MDM4: variants seen among roughly 807,000 people sequenced by gnomAD.
MDM4 encodes the protein protein Mdm4.
A neutral mutation model predicts 60.2 loss-of-function variants in MDM4; 2 were observed. The ratio of observed to expected loss-of-function variants is 0.03; its 90% confidence interval spans 0.01 to 0.10. MDM4 has a LOEUF of 0.10. Ranked by LOEUF, MDM4 falls within the 10% of genes least tolerant of loss-of-function variation. MDM4 has a pLI of 1.00. For missense variants in MDM4, 447 were observed against 577.5 expected (o/e 0.77, Z 2.32); for synonymous variants, 202 against 198.1 (o/e 1.02, Z -0.17).
At chr1:204,532,046 C>A in intron 4 of MDM4, 145 bp from the exon 5 acceptor site, 1 of 541,170 alleles carries the variant, frequency 1.8e-6, no homozygotes, top group Non-Finnish European at 3.2e-6. Flanking sequence ...AAAAACTGTT[C>A]TGGGAAAAAG....
At chr1:204,530,583 A>G (rs1348340537) in intron 3 of MDM4, 101 bp from the exon 4 acceptor site, 9 of 1,472,654 alleles carry the variant, frequency 6.1e-6, no homozygotes, top group Non-Finnish European at 7.5e-6. Context: ...TAAATATGTT[A>G]TTTCTTTCTT....
chr1:204,547,677 G>A (rs1315531098), intron 10 of MDM4, among the ~76,000 whole-genome samples: 1 of 152,148 alleles, frequency 6.6e-6, no homozygotes, highest in Non-Finnish European at 1.5e-5. Flanking sequence ...AAAATATATT[G>A]GTCCAGTAAG....
At chr1:204,530,885 AT>A in intron 4 of MDM4, 68 bp downstream of exon 4, 2 of 1,583,194 alleles carry the variant, frequency 1.3e-6, no homozygotes, top group Non-Finnish European at 1.7e-6. Context: ...TCTATGGGTT[AT>A]TAATATTTAT....
chr1:204,539,529 G>GTTTTT (rs1261336032), intron 7 of MDM4, among the ~76,000 whole-genome samples: 3 of 139,566 alleles, frequency 2.1e-5, no homozygotes, highest in Non-Finnish European at 3.1e-5. Flanking sequence ...TTTTTTTTTT[G>GTTTTT]TTTTGTTTTG....
At chr1:204,530,534 C>A in intron 3 of MDM4, 150 bp from the exon 4 acceptor site, 1 of 904,460 alleles carries the variant, frequency 1.1e-6, no homozygotes, top group Non-Finnish European at 1.7e-6. Flanking sequence ...GAGCGGCTTT[C>A]CTGTTGTAGG....
chr1:204,529,845 C>G (rs1247654325), intron 3 of MDM4, among the ~76,000 whole-genome samples: 1 of 152,176 alleles, frequency 6.6e-6, no homozygotes, highest in Non-Finnish European at 1.5e-5. Context: ...AACCTTGACT[C>G]TATCTATTGC....
At chr1:204,545,808 T>C (rs906645132) in intron 9 of MDM4, among the ~76,000 whole-genome samples, 3 of 152,190 alleles carry the variant, frequency 2.0e-5, no homozygotes, top group African/African-American at 7.2e-5. Context: ...GTCACAGGCA[T>C]GTGCAGCCAT....
rs540551252 is a variant in MDM4 at position 204,554,212 on chromosome 1, C to T, written c.*4530C>T. On this transcript the variant is annotated 3_prime_UTR_variant, in exon 11 of 11. Transcript: ENST00000367182. ...AGCTATGTAATGTTACCTCTTGACT[C>T]GCTTTTGAAAGGAAGACAATTGTTA... 4.4e-5 allele frequency: 10 copies of T among 226,328 alleles called. No homozygotes were observed. The highest frequency in any genetic ancestry group is 1.8e-4 in the South Asian group (1 of 5,468). 14.0% of individuals were successfully genotyped at this position (226,328 alleles called of 1,614,324 possible).
chr1:204,525,225 G>T (rs997742605), intron 1 of MDM4: 8 of 465,716 alleles, frequency 1.7e-5, no homozygotes, highest in Non-Finnish European at 2.3e-5. Context: ...TCAGTTGGAG[G>T]TTGGAGCGTG....
At chr1:204,529,376 A>G (rs1332159545) in intron 3 of MDM4, 4 of 979,546 alleles carry the variant, frequency 4.1e-6, no homozygotes, top group African/African-American at 3.2e-5. Context: ...CACCCTGTCC[A>G]TGAGGCCTGG....
intron 1 of MDM4, among the ~76,000 whole-genome samples, chr1:204,517,241 C>CA (rs1219951720): frequency 0.012 from 1,230 of 105,202 alleles, 6 homozygotes; most frequent in Middle Eastern, 0.028. Context: ...GATTCCGTCT[C>CA]AAAAAAAAAA....
rs889832718 is a variant in MDM4 at position 204,551,152 on chromosome 1, C to G, written c.*1470C>G. The G allele has an allele frequency of 1.6e-5, 3 of 192,504 alleles. No individual in the cohort carries two copies. Among genetic ancestry groups the G allele is most frequent in the Middle Eastern group, 1.7e-3 (1 of 574 alleles). 11.9% of individuals were successfully genotyped at this position (192,504 alleles called of 1,614,324 possible). A position where few individuals can be genotyped will look rare whatever the true frequency, so the allele number is the denominator to read the frequency against. On this transcript the variant is annotated 3_prime_UTR_variant, in exon 11 of 11. Transcript: ENST00000367182. Reference sequence around the variant, plus strand: ...CGACCTCCCAGATCCAAGCAATCCTCCCACCTAAGCCTCCCAAGTAGCTGG... The same window carrying G: ...CGACCTCCCAGATCCAAGCAATCCTGCCACCTAAGCCTCCCAAGTAGCTGG...
rs553853330 is a variant in MDM4 at position 204,543,373 on chromosome 1, C to T, written c.672+429C>T. ...AAAATTAGCCAGGCGTGGTGGCGTGCGCCTGTTTTACTATAGTAATAACTG... is the reference window on the plus strand; with the variant it reads ...AAAATTAGCCAGGCGTGGTGGCGTGTGCCTGTTTTACTATAGTAATAACTG... On this transcript the variant is annotated intron_variant, in intron 8 of 10. Coordinates refer to ENST00000367182, the MANE Select transcript of MDM4 (RefSeq NM_002393.5). Among the ~76,000 whole-genome samples, 271 of 152,240 alleles carry T rather than the reference C, an allele frequency of 1.8e-3. 2 individuals are homozygous for T. The highest frequency in any genetic ancestry group is 3.0e-3 in the Non-Finnish European group (206 of 68,020).
chr1:204,525,672 C>G (rs1229070303), intron 2 of MDM4, 76 bp downstream of exon 2: 3 of 980,938 alleles, frequency 3.1e-6, no homozygotes, highest in Non-Finnish European at 4.5e-6. Context: ...TGTCTCATGA[C>G]TGTAATCCCA....
Position 204,533,407 on chromosome 1 carries a change from A to G in MDM4, c.343+1161A>G, listed in dbSNP as rs4252702. On this transcript the variant is annotated intron_variant, in intron 5 of 10. Coordinates refer to ENST00000367182, the MANE Select transcript of MDM4 (RefSeq NM_002393.5). ...TTTCTTCTCAGGTTGCCCAGGCTGGAGTGCAGTGGCACTATCTCAGCTCAC... is the reference window on the plus strand; with the variant it reads ...TTTCTTCTCAGGTTGCCCAGGCTGGGGTGCAGTGGCACTATCTCAGCTCAC... Among the ~76,000 whole-genome samples the G allele has an allele frequency of 9.0e-3, 1,104 of 122,154 alleles. 7 individuals carry two copies. Among genetic ancestry groups the G allele is most frequent in the Middle Eastern group, 0.022 (5 of 224 alleles). The allele number at this position is 122,154 out of a possible 152,430, so 80.1% of individuals were successfully genotyped here.
chr1:204,532,613 AT>A, intron 5 of MDM4: 1 of 645,366 alleles, frequency 1.5e-6, no homozygotes, highest in East Asian at 2.8e-5. Flanking sequence ...TTTATGTATC[AT>A]TTCCCCCAGT....
chr1:204,552,320 TGTTG>T lies in MDM4; in HGVS notation c.*2642_*2645del, dbSNP rs1354005215. On this transcript the variant is annotated 3_prime_UTR_variant, in exon 11 of 11. Transcript: ENST00000367182. ...AAAAAGAAAAATCTCATAATGTCGT[TGTTG>T]GTTTTTTTTTTTTTTTTTGAGACAG... 1 of 130,978 alleles carries T rather than the reference TGTTG, an allele frequency of 7.6e-6. No homozygotes were observed. The highest frequency in any genetic ancestry group is 2.6e-5 in the African/African-American group (1 of 38,582). 8.1% of individuals were successfully genotyped at this position (130,978 alleles called of 1,614,324 possible). A position where few individuals can be genotyped will look rare whatever the true frequency, so the allele number is the denominator to read the frequency against.
chr1:204,521,993 A>G (rs987454912), intron 1 of MDM4, among the ~76,000 whole-genome samples: 2 of 152,212 alleles, frequency 1.3e-5, no homozygotes, highest in Non-Finnish European at 1.5e-5. Context: ...CTTGTTGACA[A>G]ACTGTCATTT....
At chr1:204,517,002 G>A (rs1283345929) in intron 1 of MDM4, among the ~76,000 whole-genome samples, 1 of 152,160 alleles carries the variant, frequency 6.6e-6, no homozygotes, top group Non-Finnish European at 1.5e-5. Flanking sequence ...CACTTCAGGA[G>A]GCCGAGGTGG....
Sources: allele counts gnomAD v4.1 joint callset (sites outside exome capture counted in the v4.1 genomes callset), GRCh38; gene constraint gnomAD v4.1.1; transcripts MANE v1.5; gene names NCBI Gene and HGNC (gene_info 2026-07-23, HGNC 2026-07-21).